The following AKR1C8 variants were observed in gnomAD, a reference collection of about 807,000 sequenced individuals.
AKR1C8 encodes aldo-keto reductase family 1 member C8.
the AKR1C8 span, among the ~76,000 whole-genome samples, chr10:5,132,163 T>G: frequency 6.7e-6 from 1 of 148,574 alleles, no homozygotes; most frequent in Non-Finnish European, 1.5e-5. Context: ...ATAATGGCCT[T>G]TCAGGACTCA....
chr10:5,185,028 G>A, the AKR1C8 span: 7 of 534,710 alleles, frequency 1.3e-5, no homozygotes, highest in South Asian at 9.8e-5. Flanking sequence ...AGGAGCATAA[G>A]TGCCAAATCC....
At chr10:5,119,547 T>C in the AKR1C8 span, among the ~76,000 whole-genome samples, 3 of 152,208 alleles carry the variant, frequency 2.0e-5, no homozygotes, top group Admixed American at 6.5e-5. Flanking sequence ...TTTTCTATTT[T>C]CTAAATATTT....
the AKR1C8 span, among the ~76,000 whole-genome samples, chr10:5,180,571 C>A: frequency 6.6e-6 from 1 of 152,176 alleles, no homozygotes; most frequent in Non-Finnish European, 1.5e-5. Context: ...CTGTGCCCTG[C>A]CCCCAGAGGT....
the AKR1C8 span, chr10:5,160,771 C>T: frequency 8.6e-6 from 4 of 464,210 alleles, no homozygotes; most frequent in Admixed American, 9.8e-5. Flanking sequence ...CAATTCCAAC[C>T]TCACTACACA....
At chr10:5,148,743 T>C in the AKR1C8 span, among the ~76,000 whole-genome samples, 1 of 152,152 alleles carries the variant, frequency 6.6e-6, no homozygotes, top group Non-Finnish European at 1.5e-5. Context: ...TGTTTGGAAA[T>C]AAAAGGAAGG....
At chr10:5,131,753 T>C in the AKR1C8 span, among the ~76,000 whole-genome samples, 13,090 of 151,776 alleles carry the variant, frequency 0.086, 680 homozygotes, top group Admixed American at 0.14. Context: ...GGAATGTAAA[T>C]GAGTAAAACT....
At chr10:5,176,231 G>C in the AKR1C8 span, among the ~76,000 whole-genome samples, 1 of 137,044 alleles carries the variant, frequency 7.3e-6, no homozygotes, top group African/African-American at 2.6e-5. Flanking sequence ...TTATTAAATA[G>C]GGATTCCTTT....
chr10:5,130,464 T>A, the AKR1C8 span, among the ~76,000 whole-genome samples: 1 of 151,918 alleles, frequency 6.6e-6, no homozygotes, highest in Non-Finnish European at 1.5e-5. Context: ...GGCATTGAAA[T>A]TTGAATAGAG....
chr10:5,126,398 T>C, the AKR1C8 span, among the ~76,000 whole-genome samples: 1 of 152,110 alleles, frequency 6.6e-6, no homozygotes, highest in East Asian at 1.9e-4. Context: ...TTCAGAACAC[T>C]GGGACAAGAG....
At chr10:5,157,318 G>C in the AKR1C8 span, among the ~76,000 whole-genome samples, 2 of 152,280 alleles carry the variant, frequency 1.3e-5, no homozygotes, top group South Asian at 4.1e-4. Context: ...TTTATAGGTA[G>C]AGAAGGTGAA....
chr10:5,178,619 C>G, the AKR1C8 span, among the ~76,000 whole-genome samples: 3 of 152,120 alleles, frequency 2.0e-5, no homozygotes, highest in East Asian at 3.8e-4. Flanking sequence ...GAATCTAAGT[C>G]TCTTTGTAGG....
At chr10:5,126,564 T>C in the AKR1C8 span, among the ~76,000 whole-genome samples, 1 of 152,136 alleles carries the variant, frequency 6.6e-6, no homozygotes, top group Non-Finnish European at 1.5e-5. Context: ...AAATGGTTCC[T>C]ATCCAGAGAT....
chr10:5,149,365 T>G, the AKR1C8 span, among the ~76,000 whole-genome samples: 6 of 152,134 alleles, frequency 3.9e-5, no homozygotes, highest in African/African-American at 1.4e-4. Flanking sequence ...GCCTGATTAT[T>G]TGCATACATT....
the AKR1C8 span, among the ~76,000 whole-genome samples, chr10:5,167,486 G>A: frequency 1.3e-5 from 2 of 152,284 alleles, no homozygotes; most frequent in South Asian, 4.1e-4. Flanking sequence ...CCTTTGTAGG[G>A]ACATGGATGA....
the AKR1C8 span, among the ~76,000 whole-genome samples, chr10:5,136,537 A>AAC: frequency 6.6e-6 from 1 of 152,192 alleles, no homozygotes; most frequent in African/African-American, 2.4e-5. Context: ...ATCCATGATT[A>AAC]ACATCCCTGA....
chr10:5,175,262 G>A, the AKR1C8 span, among the ~76,000 whole-genome samples: 1 of 151,870 alleles, frequency 6.6e-6, no homozygotes, highest in Non-Finnish European at 1.5e-5. Context: ...TACTGAGAAT[G>A]ATGATTTCCA....
At chr10:5,137,536 AC>A in the AKR1C8 span, among the ~76,000 whole-genome samples, 1 of 152,050 alleles carries the variant, frequency 6.6e-6, no homozygotes, top group East Asian at 1.9e-4. Flanking sequence ...AAGGCCTTCG[AC>A]AAAATTCAAC....
At chr10:5,137,242 C>T in the AKR1C8 span, among the ~76,000 whole-genome samples, 4 of 151,972 alleles carry the variant, frequency 2.6e-5, no homozygotes, top group African/African-American at 9.7e-5. Flanking sequence ...GTGATTGATG[C>T]AGAAGACAGA....
chr10:5,139,542 A>C, the AKR1C8 span, among the ~76,000 whole-genome samples: 4,827 of 152,220 alleles, frequency 0.032, 259 homozygotes, highest in African/African-American at 0.11. Context: ...CAAAAACAAG[A>C]AATGGGGAAA....
Sources: allele counts gnomAD v4.1 joint callset (sites outside exome capture counted in the v4.1 genomes callset), GRCh38; gene constraint gnomAD v4.1.1; transcripts MANE v1.5; gene names NCBI Gene and HGNC (gene_info 2026-07-23, HGNC 2026-07-21).